Variants in LRMDA observed in about 807,000 individuals in gnomAD.
LRMDA encodes the protein leucine-rich melanocyte differentiation-associated protein.
Under a neutral mutation model 29.8 loss-of-function variants are expected in LRMDA, and 18 were observed. The ratio of observed to expected loss-of-function variants is 0.60; its 90% CI spans 0.42 to 0.90. LRMDA has a LOEUF of 0.90. LRMDA is among the 40% of genes least tolerant of loss of function. LRMDA has a pLI of 0.00. For synonymous variants in LRMDA, 125 were observed against 109.4 expected, an observed-to-expected ratio of 1.14 and a Z score of -0.89; for missense variants, 273 against 273.9, an observed-to-expected ratio of 1.00 and a Z score of 0.02.
chr10:76,012,240 C>G (rs1183300364), intron 2 of LRMDA, among the ~76,000 whole-genome samples: 1 of 152,206 alleles, frequency 6.6e-6, no homozygotes. Flanking sequence ...TGTCTTCCAA[C>G]CAGAGTTTTC....
intron 2 of LRMDA, among the ~76,000 whole-genome samples, chr10:75,478,569 C>A (rs920013601): frequency 1.3e-5 from 2 of 152,142 alleles, no homozygotes; most frequent in Non-Finnish European, 2.9e-5. Flanking sequence ...TCTTTAATAA[C>A]TTTGGAGGAA....
intron 6 of LRMDA, among the ~76,000 whole-genome samples, chr10:76,348,216 A>G (rs1429737003): frequency 6.6e-6 from 1 of 152,294 alleles, no homozygotes; most frequent in South Asian, 2.1e-4. Flanking sequence ...CTTCTGGGCC[A>G]CTGAGAAAGG....
At chr10:76,523,733 A>G (rs1171922245) in intron 6 of LRMDA, among the ~76,000 whole-genome samples, 3 of 152,200 alleles carry the variant, frequency 2.0e-5, no homozygotes, top group Non-Finnish European at 4.4e-5. Context: ...AAGATGGTGG[A>G]CAAACTCAGT....
chr10:75,437,134 G>T (rs1341610801), intron 1 of LRMDA, among the ~76,000 whole-genome samples: 1 of 152,206 alleles, frequency 6.6e-6, no homozygotes, highest in Non-Finnish European at 1.5e-5. Flanking sequence ...ATAGGAGAAG[G>T]TTGAGAGATG....
At chr10:75,512,620 G>A (rs1227508602) in intron 2 of LRMDA, among the ~76,000 whole-genome samples, 2 of 152,148 alleles carry the variant, frequency 1.3e-5, no homozygotes, top group Non-Finnish European at 2.9e-5. Flanking sequence ...CTTGGGAACT[G>A]GCAGCTGGGA....
chr10:76,321,834 A>G (rs1429005491), intron 5 of LRMDA, among the ~76,000 whole-genome samples: 1 of 152,050 alleles, frequency 6.6e-6, no homozygotes, highest in African/African-American at 2.4e-5. Context: ...AATCCCAGCT[A>G]CTCGGGAGGC....
intron 2 of LRMDA, among the ~76,000 whole-genome samples, chr10:75,597,584 T>G (rs1840807293): frequency 6.6e-6 from 1 of 152,138 alleles, no homozygotes; most frequent in South Asian, 2.1e-4. Context: ...GCGTAGCAGG[T>G]GGTGTGACTT....
In LRMDA at chr10:76,554,746, T is replaced by C. The variant is rs145393577; in HGVS notation, c.602-2463T>C. Among the ~76,000 whole-genome samples the C allele has an allele frequency of 3.2e-3, 484 of 152,302 alleles. 3 individuals are homozygous for C. Among genetic ancestry groups the C allele is most frequent in the Admixed American group, 6.3e-3 (96 of 15,300 alleles). Reference sequence around the variant, plus strand: ...CCTGTTTCTAGGGCGGCACTTGCCATTCAAGTTGCATGTAAGTGAGATCTG... The same window carrying C: ...CCTGTTTCTAGGGCGGCACTTGCCACTCAAGTTGCATGTAAGTGAGATCTG... On this transcript the variant is annotated intron_variant, in intron 6 of 6. Coordinates refer to ENST00000611255, the MANE Select transcript of LRMDA (RefSeq NM_001305581.2).
At chr10:76,305,172 G>A (rs1294936250) in intron 5 of LRMDA, among the ~76,000 whole-genome samples, 1 of 152,170 alleles carries the variant, frequency 6.6e-6, no homozygotes, top group Non-Finnish European at 1.5e-5. Context: ...GCTGGAGAAA[G>A]CAGAGGAGTT....
chr10:75,545,373 G>T (rs1840066998), intron 2 of LRMDA, among the ~76,000 whole-genome samples: 1 of 152,114 alleles, frequency 6.6e-6, no homozygotes, highest in African/African-American at 2.4e-5. Context: ...GCAGCTTCCT[G>T]GTTGTTACCA....
intron 5 of LRMDA, among the ~76,000 whole-genome samples, chr10:76,091,849 G>A (rs1849236554): frequency 7.4e-6 from 1 of 135,554 alleles, no homozygotes. Context: ...CCACATCTGG[G>A]TGATTTAAAA....
intron 2 of LRMDA, among the ~76,000 whole-genome samples, chr10:75,477,985 G>A (rs1443752019): frequency 5.9e-5 from 9 of 152,214 alleles, no homozygotes; most frequent in Admixed American, 5.9e-4. Context: ...CTCTTCTGCA[G>A]AGGCAGCTGT....
At chr10:75,907,132 G>T (rs1245782547) in intron 2 of LRMDA, among the ~76,000 whole-genome samples, 4 of 152,178 alleles carry the variant, frequency 2.6e-5, no homozygotes, top group Non-Finnish European at 5.9e-5. Context: ...GAGAGAATGT[G>T]TGTGTTTTTT....
At chr10:76,160,580 G>A (rs1177889697) in intron 5 of LRMDA, among the ~76,000 whole-genome samples, 3 of 152,028 alleles carry the variant, frequency 2.0e-5, no homozygotes, top group Admixed American at 2.0e-4. Context: ...GCTGTGTGTT[G>A]ATTTATAGAT....
chr10:75,615,656 A>T (rs200959122), intron 2 of LRMDA, among the ~76,000 whole-genome samples: 2 of 152,234 alleles, frequency 1.3e-5, no homozygotes, highest in Non-Finnish European at 2.9e-5. Flanking sequence ...TATGGCTGTG[A>T]TATGCTATTA....
At chr10:76,069,861 T>C (rs1848847825) in intron 5 of LRMDA, among the ~76,000 whole-genome samples, 1 of 152,184 alleles carries the variant, frequency 6.6e-6, no homozygotes, top group Non-Finnish European at 1.5e-5. Flanking sequence ...GCTGTTTTTC[T>C]GGGGAGGTTT....
Position 75,964,022 on chromosome 10 carries a change from T to C in LRMDA, c.132-71986T>C, listed in dbSNP as rs146312165. Reference sequence around the variant, plus strand: ...TGATATTTACCACATTTTATTAATGTGATTTTTATGATCCTGCAGGAGATA... The same window carrying C: ...TGATATTTACCACATTTTATTAATGCGATTTTTATGATCCTGCAGGAGATA... On this transcript the variant is annotated intron_variant, in intron 2 of 6. Coordinates refer to ENST00000611255, the MANE Select transcript of LRMDA (RefSeq NM_001305581.2). Among the ~76,000 whole-genome samples the C allele has an allele frequency of 1.9e-4, 29 of 152,342 alleles. 2 individuals are homozygous for C. Among genetic ancestry groups the C allele is most frequent in the African/African-American group, 6.5e-4 (27 of 41,574 alleles).
intron 5 of LRMDA, among the ~76,000 whole-genome samples, chr10:76,144,952 C>A (rs1206493224): frequency 1.3e-5 from 2 of 151,970 alleles, no homozygotes; most frequent in Non-Finnish European, 2.9e-5. Context: ...TGAGATAATC[C>A]TGTGGTTTTT....
At chr10:76,338,120 A>G (rs1840992179) in intron 6 of LRMDA, among the ~76,000 whole-genome samples, 1 of 152,110 alleles carries the variant, frequency 6.6e-6, no homozygotes, top group African/African-American at 2.4e-5. Flanking sequence ...TGGAAAAGAA[A>G]GAAAGGGTAC....
Sources: gnomAD v4.1 joint callset for allele counts (sites outside exome capture counted in the v4.1 genomes callset) on GRCh38, gnomAD v4.1.1 for gene constraint, MANE v1.5 for transcripts, NCBI Gene and HGNC (gene_info 2026-07-23, HGNC 2026-07-21) for gene names.